KIAA1217: variants seen among roughly 807,000 people sequenced by gnomAD.
KIAA1217 encodes sickle tail protein homolog.
A neutral mutation model predicts 163.9 loss-of-function variants in KIAA1217; 88 were observed. The observed-to-expected ratio is 0.54, with a 90% confidence interval of 0.45 to 0.64. The LOEUF (loss-of-function observed/expected upper bound fraction) is 0.64. Ranked by LOEUF, KIAA1217 falls within the 30% of genes least tolerant of loss-of-function variation. The pLI is 0.00. For synonymous variants in KIAA1217, 903 were observed against 923.1 expected (o/e 0.98, Z 0.39); for missense variants, 2,372 against 2,475.0 (o/e 0.96, Z 0.88).
intron 2 of KIAA1217, among the ~76,000 whole-genome samples, chr10:24,175,580 C>T (rs564325693): frequency 2.3e-4 from 35 of 152,100 alleles, no homozygotes; most frequent in African/African-American, 4.3e-4. Flanking sequence ...CCATTGTGTA[C>T]GGAATTGGTG....
At chr10:24,435,952 C>T (rs1209390351) in intron 4 of KIAA1217, among the ~76,000 whole-genome samples, 2 of 151,946 alleles carry the variant, frequency 1.3e-5, no homozygotes, top group Admixed American at 1.3e-4. Flanking sequence ...CCACCACCTC[C>T]TGGGTTCAAG....
intron 2 of KIAA1217, among the ~76,000 whole-genome samples, chr10:24,316,430 T>C (rs1405241591): frequency 6.6e-6 from 1 of 152,124 alleles, no homozygotes; most frequent in Non-Finnish European, 1.5e-5. Flanking sequence ...ATGGGGGCAA[T>C]GGATTTGGCC....
At chr10:24,072,016 A>G (rs115760037) in intron 2 of KIAA1217, among the ~76,000 whole-genome samples, 3,693 of 152,124 alleles carry the variant, frequency 0.024, 143 homozygotes, top group African/African-American at 0.085. Context: ...AAATAGGAAA[A>G]TATTACTCTA....
intron 2 of KIAA1217, among the ~76,000 whole-genome samples, chr10:24,080,081 G>GC (rs2061491077): frequency 6.6e-6 from 1 of 152,208 alleles, no homozygotes; most frequent in African/African-American, 2.4e-5. Flanking sequence ...TGTGGGCAGT[G>GC]CCCCCACATC....
rs192623471 is a variant in KIAA1217 at position 24,128,573 on chromosome 10, G to A, written c.-170-91053G>A. 1.0e-3 allele frequency among the ~76,000 whole-genome samples: 153 copies of A among 152,234 alleles called. 1 individual carries two copies. The highest frequency in any genetic ancestry group is 1.9e-3 in the South Asian group (9 of 4,820). On this transcript the variant is annotated intron_variant, in intron 2 of 18. Transcript: ENST00000376462. ...TTGATGTGCAGCTTCGCATGCCATG[G>A]GGACTCATTCATCCATGTTAGAAGT...
intron 2 of KIAA1217, among the ~76,000 whole-genome samples, chr10:24,099,439 G>A (rs1227806864): frequency 6.6e-6 from 1 of 150,716 alleles, no homozygotes; most frequent in Admixed American, 6.6e-5. Flanking sequence ...GCAGTATTTG[G>A]TTTTCTGTCC....
chr10:24,044,656 G>T (rs769555073), intron 2 of KIAA1217, among the ~76,000 whole-genome samples: 2 of 151,872 alleles, frequency 1.3e-5, no homozygotes, highest in Non-Finnish European at 2.9e-5. Flanking sequence ...TAATAGTTAT[G>T]CTTGGTTATC....
intron 2 of KIAA1217, among the ~76,000 whole-genome samples, chr10:24,043,503 A>G (rs940677882): frequency 6.6e-6 from 1 of 152,082 alleles, no homozygotes; most frequent in Admixed American, 6.6e-5. Context: ...TAGTTTTATT[A>G]TTATTGTTTC....
At chr10:24,173,105 C>G (rs982446436) in intron 2 of KIAA1217, among the ~76,000 whole-genome samples, 2 of 152,154 alleles carry the variant, frequency 1.3e-5, no homozygotes, top group Non-Finnish European at 2.9e-5. Flanking sequence ...CCCTATCACT[C>G]GCATTACCTC....
In KIAA1217 at chr10:24,166,647, AG is replaced by A. The variant is rs202110976; in HGVS notation, c.-170-52978del. Among the ~76,000 whole-genome samples the A allele has an allele frequency of 4.2e-3, 638 of 152,322 alleles. 1 individual carries two copies. The highest frequency in any genetic ancestry group is 0.015 in the African/African-American group (619 of 41,562). The stretch of plus-strand genomic sequence containing the variant: ...CAGTTACTTGGGAGGCTGAGGCACA[AG>A]AATCACTTGAGCCTGGGAAGTGGAG... On this transcript the variant is annotated intron_variant, in intron 2 of 18. Coordinates refer to the KIAA1217 transcript ENST00000376462.
In KIAA1217 at chr10:24,211,551, TATTG is replaced by T. The variant is rs2068103746; in HGVS notation, c.70+2289_70+2292del. 2.8e-4 allele frequency among the ~76,000 whole-genome samples: 17 copies of T among 59,832 alleles called. 1 individual carries two copies. Among genetic ancestry groups the T allele is most frequent in the African/African-American group, 7.1e-4 (17 of 24,062 alleles). 39.3% of individuals were successfully genotyped at this position (59,832 alleles called of 152,430 possible). A position where few individuals can be genotyped will look rare whatever the true frequency, so the allele number is the denominator to read the frequency against. The stretch of plus-strand genomic sequence containing the variant: ...TGCATGGTTGTATTGTATTGTATTG[TATTG>T]TATTGTATTGTATTGTATTGTATTG... On this transcript the variant is annotated intron_variant, in intron 1 of 20. Transcript: ENST00000376454.
chr10:24,317,006 T>TGG (rs1453961485), intron 2 of KIAA1217, among the ~76,000 whole-genome samples: 1 of 152,046 alleles, frequency 6.6e-6, no homozygotes, highest in Non-Finnish European at 1.5e-5. Context: ...GCTGAGTGTG[T>TGG]GGGGGGCGCT....
intron 1 of KIAA1217, among the ~76,000 whole-genome samples, chr10:23,842,771 C>G (rs147978245): frequency 6.6e-6 from 1 of 151,992 alleles, no homozygotes; most frequent in Non-Finnish European, 1.5e-5. Context: ...ATAAAATCAT[C>G]TATTATCCAA....
At chr10:23,874,625 G>C (rs1018950419) in intron 1 of KIAA1217, among the ~76,000 whole-genome samples, 3 of 151,786 alleles carry the variant, frequency 2.0e-5, no homozygotes, top group African/African-American at 7.3e-5. Flanking sequence ...TAATCATTTG[G>C]AGTTCTTTTT....
intron 2 of KIAA1217, among the ~76,000 whole-genome samples, chr10:24,276,841 C>A (rs2077354632): frequency 6.6e-6 from 1 of 151,986 alleles, no homozygotes; most frequent in African/African-American, 2.4e-5. Flanking sequence ...AACTCCTGAC[C>A]TTGTGATCCG....
chr10:24,458,233 T>C (rs1346849717), intron 5 of KIAA1217, among the ~76,000 whole-genome samples: 1 of 152,238 alleles, frequency 6.6e-6, no homozygotes, highest in Non-Finnish European at 1.5e-5. Flanking sequence ...CCATCTCAGA[T>C]TTCCAAGCCA....
chr10:24,536,927 G>A (rs2074103265), intron 17 of KIAA1217, 34 bp downstream of exon 17: 3 of 1,611,060 alleles, frequency 1.9e-6, no homozygotes, highest in Non-Finnish European at 1.7e-6. Flanking sequence ...CCACACGGTT[G>A]GGAGTCCTTC....
At chr10:24,355,806 T>C (rs2049029118) in intron 2 of KIAA1217, among the ~76,000 whole-genome samples, 1 of 128,740 alleles carries the variant, frequency 7.8e-6, no homozygotes, top group South Asian at 2.9e-4. Flanking sequence ...TGGAGTACAG[T>C]GGCCCGATCT....
chr10:24,283,048 G>A (rs1326399462), intron 2 of KIAA1217, among the ~76,000 whole-genome samples: 1 of 151,640 alleles, frequency 6.6e-6, no homozygotes, highest in Non-Finnish European at 1.5e-5. Context: ...GGTCTGGCTG[G>A]TCTTGAACTC....
Sources: gnomAD v4.1 joint callset for allele counts (sites outside exome capture counted in the v4.1 genomes callset) on GRCh38, gnomAD v4.1.1 for gene constraint, MANE v1.5 for transcripts, NCBI Gene and HGNC (gene_info 2026-07-23, HGNC 2026-07-21) for gene names.